Variants in REDIC1 observed in about 807,000 individuals in gnomAD.
REDIC1 encodes the protein regulator of DNA class I crossover intermediates 1.
the REDIC1 span, chr12:39,720,816 G>A: frequency 3.1e-6 from 5 of 1,611,236 alleles, no homozygotes; most frequent in Non-Finnish European, 4.2e-6. Context: ...AAATATCACA[G>A]CAAATTGAAG....
chr12:39,719,936 C>A, the REDIC1 span, among the ~76,000 whole-genome samples: 1 of 151,984 alleles, frequency 6.6e-6, no homozygotes, highest in Admixed American at 6.6e-5. Context: ...ATACATTTTT[C>A]AGTGTCAATC....
chr12:39,796,160 CTAACA>C, the REDIC1 span, among the ~76,000 whole-genome samples: 2 of 152,224 alleles, frequency 1.3e-5, no homozygotes, highest in South Asian at 4.1e-4. Flanking sequence ...GGTACTAGAC[CTAACA>C]TGTTTCCAAG....
the REDIC1 span, among the ~76,000 whole-genome samples, chr12:39,772,315 A>G: frequency 1.3e-5 from 2 of 152,162 alleles, no homozygotes; most frequent in South Asian, 4.1e-4. Flanking sequence ...ATAAGAGTCC[A>G]TATAGGGTTG....
chr12:39,866,174 A>T, the REDIC1 span, among the ~76,000 whole-genome samples: 1 of 152,222 alleles, frequency 6.6e-6, no homozygotes, highest in Non-Finnish European at 1.5e-5. Flanking sequence ...TTATGAACAA[A>T]AATATTCAAA....
the REDIC1 span, among the ~76,000 whole-genome samples, chr12:39,715,353 T>G: frequency 4.6e-5 from 7 of 152,044 alleles, no homozygotes; most frequent in South Asian, 1.2e-3. Flanking sequence ...TTTCCTTCGT[T>G]GAAGATCAGT....
At chr12:39,646,931 T>C in the REDIC1 span, 1 of 1,288,474 alleles carries the variant, frequency 7.8e-7, no homozygotes, top group Non-Finnish European at 1.1e-6. Flanking sequence ...TCAGCAATTG[T>C]GATATGCTAC....
the REDIC1 span, among the ~76,000 whole-genome samples, chr12:39,667,332 G>C: frequency 1.5e-4 from 23 of 152,312 alleles, no homozygotes; most frequent in African/African-American, 5.1e-4. Flanking sequence ...GTACCCAGTA[G>C]TCATTCAGGA....
the REDIC1 span, among the ~76,000 whole-genome samples, chr12:39,808,901 A>G: frequency 2.0e-5 from 3 of 152,204 alleles, no homozygotes; most frequent in Admixed American, 1.3e-4. Context: ...TTCAAAGAGT[A>G]GACAATTTTA....
At chr12:39,796,817 C>A in the REDIC1 span, among the ~76,000 whole-genome samples, 88 of 152,236 alleles carry the variant, frequency 5.8e-4, no homozygotes, top group East Asian at 9.4e-3. Flanking sequence ...TGGTTTTGTA[C>A]TATTTTTAAT....
the REDIC1 span, among the ~76,000 whole-genome samples, chr12:39,654,853 A>G: frequency 3.9e-5 from 6 of 152,174 alleles, no homozygotes; most frequent in Non-Finnish European, 7.3e-5. Flanking sequence ...TCACCAGTGA[A>G]GGCATCTGCA....
At chr12:39,713,834 TAC>T in the REDIC1 span, among the ~76,000 whole-genome samples, 1 of 145,980 alleles carries the variant, frequency 6.9e-6, no homozygotes, top group African/African-American at 2.5e-5. Context: ...TACATGTATA[TAC>T]ACGTATATAT....
At chr12:39,798,622 G>T in the REDIC1 span, among the ~76,000 whole-genome samples, 45 of 152,272 alleles carry the variant, frequency 3.0e-4, no homozygotes, top group African/African-American at 9.1e-4. Context: ...TCCTGTGTTT[G>T]GCCTCGTGGC....
chr12:39,858,552 C>A, the REDIC1 span, among the ~76,000 whole-genome samples: 6 of 152,114 alleles, frequency 3.9e-5, no homozygotes, highest in Non-Finnish European at 8.8e-5. Flanking sequence ...CACACTATTA[C>A]CAGGATGTCA....
the REDIC1 span, among the ~76,000 whole-genome samples, chr12:39,747,595 C>T: frequency 4.6e-5 from 7 of 152,166 alleles, no homozygotes; most frequent in Admixed American, 2.0e-4. Flanking sequence ...GATAACTCCT[C>T]GAGAAGAGCA....
chr12:39,705,768 A>G, the REDIC1 span, among the ~76,000 whole-genome samples: 1 of 152,088 alleles, frequency 6.6e-6, no homozygotes, highest in African/African-American at 2.4e-5. Context: ...ACATCCCTTC[A>G]TGGTAAAAAC....
the REDIC1 span, among the ~76,000 whole-genome samples, chr12:39,679,076 A>G: frequency 3.3e-5 from 5 of 152,166 alleles, no homozygotes; most frequent in African/African-American, 1.2e-4. Flanking sequence ...TCTATTCAAC[A>G]TAGTACTGGA....
At chr12:39,874,615 C>CAAAAA in the REDIC1 span, among the ~76,000 whole-genome samples, 2 of 101,118 alleles carry the variant, frequency 2.0e-5, no homozygotes, top group Non-Finnish European at 2.0e-5. Flanking sequence ...AACTCCATCT[C>CAAAAA]AAAAAAAAAA....
the REDIC1 span, among the ~76,000 whole-genome samples, chr12:39,666,809 C>T: frequency 4.6e-5 from 7 of 152,082 alleles, no homozygotes; most frequent in Admixed American, 2.0e-4. Flanking sequence ...GTGTATGTGT[C>T]GAGGAATTTA....
chr12:39,764,960 T>C, the REDIC1 span: 1 of 1,304,498 alleles, frequency 7.7e-7, no homozygotes, highest in Non-Finnish European at 1.0e-6. Flanking sequence ...CTTAATGTCT[T>C]AAGAGTCCAA....
Sources: allele counts gnomAD v4.1 joint callset (sites outside exome capture counted in the v4.1 genomes callset), GRCh38; gene constraint gnomAD v4.1.1; transcripts MANE v1.5; gene names NCBI Gene and HGNC (gene_info 2026-07-23, HGNC 2026-07-21).